Variants in SIPA1L1 observed in about 807,000 individuals in gnomAD.
The protein encoded by SIPA1L1 is signal induced proliferation associated 1 like 1.
Under a neutral mutation model 162.7 loss-of-function variants are expected in SIPA1L1, and 26 were observed. The ratio of observed to expected loss-of-function variants is 0.16; its 90% CI spans 0.12 to 0.22. The LOEUF (loss-of-function observed/expected upper bound fraction) is 0.22. SIPA1L1 is among the 10% of genes least tolerant of loss of function. SIPA1L1 has a pLI of 1.00. For missense variants in SIPA1L1, 1,874 were observed against 2,241.0 expected (o/e 0.84, Z 3.31); for synonymous variants, 829 against 837.4 (o/e 0.99, Z 0.17).
chr14:71,554,995 T>C (rs902548122), intron 4 of SIPA1L1, among the ~76,000 whole-genome samples: 2 of 152,214 alleles, frequency 1.3e-5, no homozygotes, highest in Non-Finnish European at 2.9e-5. Context: ...GAGCACATTT[T>C]ATAAAAATTA....
At chr14:71,423,216 A>C (rs1038354083) in intron 2 of SIPA1L1, among the ~76,000 whole-genome samples, 1 of 152,078 alleles carries the variant, frequency 6.6e-6, no homozygotes, top group African/African-American at 2.4e-5. Flanking sequence ...CTGTGATGTT[A>C]ATCCCTTGTC....
chr14:71,678,877 G>C (rs1482061425), intron 12 of SIPA1L1, among the ~76,000 whole-genome samples: 1 of 151,900 alleles, frequency 6.6e-6, no homozygotes, highest in Non-Finnish European at 1.5e-5. Context: ...GAGAAGAGAA[G>C]TTTAGAGAAA....
At chr14:71,680,546 C>G (rs2045699559) in intron 12 of SIPA1L1, among the ~76,000 whole-genome samples, 1 of 152,072 alleles carries the variant, frequency 6.6e-6, no homozygotes, top group South Asian at 2.1e-4. Context: ...CAAACACATT[C>G]AAAAGCTAGC....
chr14:71,610,217 AGAAGT>A (rs2038049773), intron 5 of SIPA1L1, among the ~76,000 whole-genome samples: 1 of 152,246 alleles, frequency 6.6e-6, no homozygotes, highest in Non-Finnish European at 1.5e-5. Context: ...AATTTCAGTT[AGAAGT>A]TAGTAAAAAT....
intron 2 of SIPA1L1, among the ~76,000 whole-genome samples, chr14:71,391,065 A>C (rs2040707170): frequency 6.6e-6 from 1 of 152,036 alleles, no homozygotes; most frequent in Non-Finnish European, 1.5e-5. Flanking sequence ...ATAGAAAAAA[A>C]AGCCAACAAA....
intron 4 of SIPA1L1, among the ~76,000 whole-genome samples, chr14:71,549,050 A>G (rs533709228): frequency 1.9e-4 from 29 of 152,272 alleles, no homozygotes; most frequent in African/African-American, 4.3e-4. Context: ...TTCCTTACAT[A>G]TGATAAAAAT....
chr14:71,484,090 T>C (rs953083829), intron 2 of SIPA1L1, among the ~76,000 whole-genome samples: 1 of 152,218 alleles, frequency 6.6e-6, no homozygotes, highest in Admixed American at 6.5e-5. Context: ...AACGGACACA[T>C]ATAATAGACA....
intron 2 of SIPA1L1, among the ~76,000 whole-genome samples, chr14:71,457,021 A>G (rs376193833): frequency 1.1e-4 from 17 of 152,312 alleles, no homozygotes; most frequent in Admixed American, 5.2e-4. Context: ...GCCTCAAGCA[A>G]TCCTACTGCC....
rs540105769 is a variant in SIPA1L1 at position 71,634,141 on chromosome 14, C to G, written c.1818+9905C>G. ...AACGGCTGGGCACGGTGGCTCATGC[C>G]TGTAATCCCAGCACTTTGGGAGGCA... On this transcript the variant is annotated intron_variant, in intron 7 of 23. Transcript: ENST00000381232. Among the ~76,000 whole-genome samples, 3 of 151,824 alleles carry G rather than the reference C, an allele frequency of 2.0e-5. No individual in the cohort carries two copies. The South Asian group carries it at 6.2e-4, about 32-fold the overall frequency.
rs2083956111 is a variant in SIPA1L1 at position 71,723,650 on chromosome 14, C to T, written c.4212C>T (p.Thr1404=). 1.9e-6 allele frequency: 3 copies of T among 1,614,040 alleles called. No individual in the cohort carries two copies. The highest frequency in any genetic ancestry group is 3.3e-5 in the Admixed American group (2 of 60,002). The stretch of plus-strand genomic sequence containing the variant: ...TCTTTGCCCTGCTTCTCCTCAGTAC[C>T]ATGAGCTCCCGACACTCTGCCAGCC... ...SINDAASHTS[T]MSSRHSASPV... Residue 1404 remains threonine, a synonymous_variant, in exon 18 of 24, where the codon ACC becomes ACT. Coordinates refer to ENST00000381232, the MANE Select transcript of SIPA1L1 (RefSeq NM_001386936.1).
chr14:71,406,966 G>A (rs545330079), intron 2 of SIPA1L1, among the ~76,000 whole-genome samples: 2 of 152,250 alleles, frequency 1.3e-5, no homozygotes, highest in Admixed American at 6.5e-5. Flanking sequence ...AAGTAGCTGG[G>A]CGCGGTGGCT....
chr14:71,572,762 G>A (rs114542838), intron 4 of SIPA1L1, among the ~76,000 whole-genome samples: 1,627 of 152,258 alleles, frequency 0.011, 28 homozygotes, highest in African/African-American at 0.036. Context: ...AAAATTAAGC[G>A]TAGGTATATA....
intron 4 of SIPA1L1, among the ~76,000 whole-genome samples, chr14:71,572,467 G>C (rs548408236): frequency 5.7e-4 from 87 of 152,286 alleles, no homozygotes; most frequent in Non-Finnish European, 1.1e-3. Context: ...AGAAGGTAGT[G>C]GTCCATCCAG....
intron 2 of SIPA1L1, among the ~76,000 whole-genome samples, chr14:71,332,237 G>A (rs117134884): frequency 0.026 from 4,033 of 152,236 alleles, 71 homozygotes; most frequent in Middle Eastern, 0.044. Context: ...AGTGTTTATT[G>A]AATCCCATTA....
chr14:71,449,980 CA>C (rs1185097737), intron 2 of SIPA1L1, among the ~76,000 whole-genome samples: 1 of 152,128 alleles, frequency 6.6e-6, no homozygotes, highest in African/African-American at 2.4e-5. Context: ...GTCTTTTTCT[CA>C]GATCTTTTAG....
At chr14:71,374,453 A>G (rs1026063875) in intron 2 of SIPA1L1, among the ~76,000 whole-genome samples, 2 of 151,788 alleles carry the variant, frequency 1.3e-5, no homozygotes, top group African/African-American at 2.4e-5. Context: ...TTTTATTTAT[A>G]GTATTTATTA....
chr14:71,388,571 G>C (rs779003126), intron 2 of SIPA1L1, among the ~76,000 whole-genome samples: 1 of 152,294 alleles, frequency 6.6e-6, no homozygotes, highest in South Asian at 2.1e-4. Flanking sequence ...CACTTTGTTG[G>C]CCCACACGTC....
chr14:71,693,367 C>T (rs1306096901), intron 13 of SIPA1L1, among the ~76,000 whole-genome samples: 3 of 152,178 alleles, frequency 2.0e-5, no homozygotes, highest in Non-Finnish European at 4.4e-5. Flanking sequence ...GGTGTGGTGG[C>T]GGGTGCCTGT....
intron 4 of SIPA1L1, among the ~76,000 whole-genome samples, chr14:71,549,998 C>G (rs1336268741): frequency 7.6e-6 from 1 of 131,768 alleles, no homozygotes; most frequent in Non-Finnish European, 1.6e-5. Flanking sequence ...GTGGCTCACA[C>G]CTGTGATCCC....
Sources: gnomAD v4.1 joint callset for allele counts (sites outside exome capture counted in the v4.1 genomes callset) on GRCh38, gnomAD v4.1.1 for gene constraint, MANE v1.5 for transcripts, NCBI Gene and HGNC (gene_info 2026-07-23, HGNC 2026-07-21) for gene names.